Variants in TLN2 observed in about 807,000 individuals in gnomAD.
TLN2 encodes talin 2, also known as talin-2.
Under a neutral mutation model 294.7 loss-of-function variants are expected in TLN2, and 118 were observed. The observed-to-expected ratio is 0.40, with a 90% confidence interval of 0.34 to 0.47. TLN2 has a LOEUF of 0.47. Ranked by LOEUF, TLN2 falls within the 20% of genes least tolerant of loss-of-function variation. The pLI, the probability that TLN2 is intolerant of heterozygous loss-of-function variation, is 0.84. For synonymous variants in TLN2, 1,431 were observed against 1,304.5 expected (o/e 1.10, Z -2.09); for missense variants, 3,083 against 3,282.2 (o/e 0.94, Z 1.48).
At chr15:62,819,408 A>T (rs2067375019) in intron 52 of TLN2, 108 bp from the exon 53 acceptor site, 4 of 887,698 alleles carry the variant, frequency 4.5e-6, no homozygotes, top group Non-Finnish European at 7.3e-6. Flanking sequence ...CAGAGATGCA[A>T]CTTAAAACCA....
rs536206841 is a variant in TLN2 at position 62,843,840 on chromosome 15, C to G, written c.*3230C>G. 1 of 152,264 alleles carries G rather than the reference C, an allele frequency of 6.6e-6. No individual in the cohort carries two copies. Among genetic ancestry groups the G allele is most frequent in the Admixed American group, 6.5e-5 (1 of 15,294 alleles). The allele number at this position is 152,264 out of a possible 1,614,324, so 9.4% of individuals were successfully genotyped here. On this transcript the variant is annotated 3_prime_UTR_variant, in exon 59 of 59. Transcript: ENST00000636159. ...ATGGTCTCTGCTCCTGGGGAACTCA[C>G]ACGCTGACCCCCGAGGAGCCTTGGT...
chr15:62,476,426 T>C (rs2037787386), intron 1 of TLN2: 1 of 152,226 alleles, frequency 6.6e-6, no homozygotes, highest in Admixed American at 6.5e-5. Context: ...ATGAGTAATC[T>C]TCATTTCTAC....
chr15:62,418,150 AC>A (rs1464744855), intron 1 of TLN2, among the ~76,000 whole-genome samples: 3 of 152,142 alleles, frequency 2.0e-5, no homozygotes, highest in Non-Finnish European at 4.4e-5. Flanking sequence ...GATGGTAGAG[AC>A]CAAATGGTTC....
intron 1 of TLN2, among the ~76,000 whole-genome samples, chr15:62,395,602 T>A (rs1387195773): frequency 1.3e-5 from 2 of 152,102 alleles, no homozygotes; most frequent in Non-Finnish European, 2.9e-5. Context: ...TGTTTTACAT[T>A]AGGAAAAACA....
intron 14 of TLN2, among the ~76,000 whole-genome samples, chr15:62,695,280 C>T (rs60968779): frequency 0.096 from 14,545 of 152,140 alleles, 1,409 homozygotes; most frequent in African/African-American, 0.25. Flanking sequence ...TAACAACTCC[C>T]TATGCAAAAG....
chr15:62,652,655 G>C (rs1458773317), intron 6 of TLN2, among the ~76,000 whole-genome samples: 1 of 152,144 alleles, frequency 6.6e-6, no homozygotes, highest in Non-Finnish European at 1.5e-5. Context: ...GTTTGACACT[G>C]TCTTGCCTTC....
rs2068032890 is a variant in TLN2 at position 62,825,778 on chromosome 15, TATATTATATATTA to T, written c.7002+5169_7002+5181del. Among the ~76,000 whole-genome samples, 3 of 18,710 alleles carry T rather than the reference TATATTATATATTA, an allele frequency of 1.6e-4. 1 individual carries two copies. Among genetic ancestry groups the T allele is most frequent in the African/African-American group, 4.2e-4 (3 of 7,102 alleles). The allele number at this position is 18,710 out of a possible 152,430, so 12.3% of individuals were successfully genotyped here. On this transcript the variant is annotated intron_variant, in intron 54 of 58. Transcript: ENST00000636159. ...ATAATTATAATTATATATTATATAATATATTATATATTATAATATATATTATATATTATATTAT... is the reference window on the plus strand; with the variant it reads ...ATAATTATAATTATATATTATATAATTAATATATATTATATATTATATTAT...
At chr15:62,809,261 A>G (rs974353994) in intron 51 of TLN2, among the ~76,000 whole-genome samples, 49 of 152,232 alleles carry the variant, frequency 3.2e-4, no homozygotes, top group African/African-American at 1.2e-3. Flanking sequence ...TGTAATCATG[A>G]ATGACTCAAG....
chr15:62,524,049 G>T (rs899475700), intron 1 of TLN2, among the ~76,000 whole-genome samples: 2 of 152,200 alleles, frequency 1.3e-5, no homozygotes, highest in African/African-American at 2.4e-5. Context: ...GTGAAAGGTG[G>T]TTTGTGGGAA....
At chr15:62,486,033 A>T (rs2038372064) in intron 1 of TLN2, among the ~76,000 whole-genome samples, 1 of 152,178 alleles carries the variant, frequency 6.6e-6, no homozygotes, top group Non-Finnish European at 1.5e-5. Context: ...AAATACAAAG[A>T]ATTTCTATAT....
intron 1 of TLN2, among the ~76,000 whole-genome samples, chr15:62,474,172 T>C (rs1234478533): frequency 2.0e-5 from 3 of 152,194 alleles, no homozygotes; most frequent in Non-Finnish European, 4.4e-5. Flanking sequence ...CCTTTTAACA[T>C]GTTAATTTAG....
intron 1 of TLN2, among the ~76,000 whole-genome samples, chr15:62,479,311 G>A (rs1248664614): frequency 6.6e-6 from 1 of 152,144 alleles, no homozygotes. Flanking sequence ...GGCGGGAGAT[G>A]ATTTTATTTT....
Position 62,409,242 on chromosome 15 carries a change from G to A in TLN2, c.-238+18557G>A, listed in dbSNP as rs140692429. 9.5e-3 allele frequency among the ~76,000 whole-genome samples: 1,448 copies of A among 152,156 alleles called. 27 individuals carry two copies. The highest frequency in any genetic ancestry group is 0.033 in the African/African-American group (1,376 of 41,498). ...CCTGCCTCAGCCTCCCAAAGAGCTG[G>A]GATTACAGGTGTCAGCCACTGTGCC... On this transcript the variant is annotated intron_variant, in intron 1 of 58. Coordinates refer to ENST00000636159, the MANE Select transcript of TLN2 (RefSeq NM_015059.3).
chr15:62,447,480 CAG>C (rs1053701846), intron 1 of TLN2, among the ~76,000 whole-genome samples: 16 of 149,972 alleles, frequency 1.1e-4, no homozygotes, highest in South Asian at 4.2e-4. Context: ...GCTCCTTGGA[CAG>C]AGTTAACTTT....
chr15:62,838,711 TG>T, intron 57 of TLN2, 144 bp from the exon 58 acceptor site: 1 of 1,047,216 alleles, frequency 9.5e-7, no homozygotes, highest in Non-Finnish European at 1.3e-6. Context: ...GACAGACAGA[TG>T]GGTACTCTCT....
At chr15:62,485,920 C>G (rs2038364385) in intron 1 of TLN2, among the ~76,000 whole-genome samples, 1 of 152,122 alleles carries the variant, frequency 6.6e-6, no homozygotes, top group African/African-American at 2.4e-5. Context: ...CTTTATTTAA[C>G]AGACGTTACT....
intron 1 of TLN2, among the ~76,000 whole-genome samples, chr15:62,530,415 T>A (rs896569097): frequency 5.3e-5 from 8 of 152,176 alleles, no homozygotes; most frequent in East Asian, 1.9e-4. Context: ...TGGAGTGCAG[T>A]GGCACAATCT....
In TLN2 at chr15:62,721,698, T is replaced by C. The variant is rs564375103; in HGVS notation, c.2992-655T>C. On this transcript the variant is annotated intron_variant, in intron 25 of 58. Transcript: ENST00000636159. The stretch of plus-strand genomic sequence containing the variant: ...AATTATAAATATGTACAGAGTTAGC[T>C]GTAGAGCTGTTTATCATAGCATTGT... Among the ~76,000 whole-genome samples the C allele has an allele frequency of 2.6e-5, 4 of 152,310 alleles. No individual in the cohort carries two copies. In the East Asian group the frequency reaches 7.7e-4, roughly 29 times the overall value.
At position 62,766,438 on chromosome 15, in the gene TLN2, G is replaced by A. The variant is rs1276874632; in HGVS notation, c.5196+16G>A. 6.3e-7 allele frequency: 1 copy of A among 1,597,112 alleles called. No individual in the cohort carries two copies. The highest frequency in any genetic ancestry group is 8.6e-7 in the Non-Finnish European group (1 of 1,166,000). The stretch of plus-strand genomic sequence containing the variant: ...GGGACATAAGGTAATGCACACCGAG[G>A]GGATCCTGCGAGGGTGTGCGTGTTA... On this transcript the variant is annotated intron_variant, in intron 41 of 58. Coordinates refer to ENST00000636159, the MANE Select transcript of TLN2 (RefSeq NM_015059.3).
Sources: gnomAD v4.1 joint callset for allele counts (sites outside exome capture counted in the v4.1 genomes callset) on GRCh38, gnomAD v4.1.1 for gene constraint, MANE v1.5 for transcripts, NCBI Gene and HGNC (gene_info 2026-07-23, HGNC 2026-07-21) for gene names.